Variants in SV2C observed in about 807,000 individuals in gnomAD.
SV2C encodes the protein solute carrier family 22 member B3.
SV2C carries 49 observed loss-of-function variants against 79.7 expected under a neutral mutation model. That is an observed-to-expected ratio of 0.61 (90% CI 0.49 to 0.78). The LOEUF is 0.78. Ranked by LOEUF, SV2C falls within the 30% of genes least tolerant of loss-of-function variation. The pLI is 0.00. For missense variants in SV2C, 833 were observed against 912.9 expected, an observed-to-expected ratio of 0.91 and a Z score of 1.13; for synonymous variants, 334 against 333.2, an observed-to-expected ratio of 1.00 and a Z score of -0.03.
chr5:76,189,482 C>T (rs1353014284), intron 2 of SV2C, among the ~76,000 whole-genome samples: 1 of 152,144 alleles, frequency 6.6e-6, no homozygotes, highest in East Asian at 1.9e-4. Flanking sequence ...ATGGTAGAAA[C>T]CCCCTTACCT....
At chr5:75,952,399 T>C in the SV2C span, among the ~76,000 whole-genome samples, 2 of 151,824 alleles carry the variant, frequency 1.3e-5, no homozygotes, top group Non-Finnish European at 2.9e-5. Flanking sequence ...TCTTCTGCCA[T>C]TCTGAATTGA....
intron 12 of SV2C, among the ~76,000 whole-genome samples, chr5:76,348,180 C>A (rs1466421740): frequency 1.3e-5 from 2 of 152,120 alleles, no homozygotes; most frequent in Non-Finnish European, 2.9e-5. Flanking sequence ...CAGTATGTAG[C>A]CTTTTCAGAT....
chr5:75,855,126 T>C, the SV2C span, among the ~76,000 whole-genome samples: 1 of 152,170 alleles, frequency 6.6e-6, no homozygotes, highest in Non-Finnish European at 1.5e-5. Flanking sequence ...AAAATAATTT[T>C]AGGGCTCACC....
intron 1 of SV2C, among the ~76,000 whole-genome samples, chr5:76,096,942 A>T (rs1434130306): frequency 1.3e-5 from 2 of 152,174 alleles, no homozygotes; most frequent in African/African-American, 4.8e-5. Flanking sequence ...CTTAGCCTCC[A>T]TAATTGCATG....
chr5:76,275,775 G>A (rs906805391), intron 4 of SV2C, among the ~76,000 whole-genome samples: 8 of 152,232 alleles, frequency 5.3e-5, no homozygotes, highest in African/African-American at 1.2e-4. Flanking sequence ...ACACTGATTA[G>A]TGCTGTGCTA....
chr5:76,049,007 GAAAGAAAGAAAGAAAGA>G, the SV2C span, among the ~76,000 whole-genome samples: 10 of 88,892 alleles, frequency 1.1e-4, no homozygotes, highest in East Asian at 1.5e-3. Flanking sequence ...AAGAAAGAAA[GAAAGAAAGAAAGAAAGA>G]AAAAGAAAAG....
chr5:75,883,087 A>G, the SV2C span, among the ~76,000 whole-genome samples: 1 of 145,866 alleles, frequency 6.9e-6, no homozygotes, highest in Non-Finnish European at 1.5e-5. Flanking sequence ...AACACATGAA[A>G]AAATGCTCAC....
chr5:76,347,707 G>A (rs2112589784), intron 12 of SV2C, among the ~76,000 whole-genome samples: 1 of 152,314 alleles, frequency 6.6e-6, no homozygotes, highest in African/African-American at 2.4e-5. Flanking sequence ...CTCCCAAAGT[G>A]CTGGGATTGC....
At chr5:75,929,807 A>G in the SV2C span, among the ~76,000 whole-genome samples, 1 of 152,168 alleles carries the variant, frequency 6.6e-6, no homozygotes, top group African/African-American at 2.4e-5. Flanking sequence ...TTTGCTCATT[A>G]AGCATGGTTA....
At chr5:76,075,504 A>G in the SV2C span, 1 of 164,868 alleles carries the variant, frequency 6.1e-6, no homozygotes, top group Non-Finnish European at 1.4e-5. Context: ...GCTCTGGGCA[A>G]GAATCTCGAG....
chr5:76,002,696 T>C, the SV2C span, among the ~76,000 whole-genome samples: 1 of 152,234 alleles, frequency 6.6e-6, no homozygotes, highest in African/African-American at 2.4e-5. Flanking sequence ...TGGCCAAGCA[T>C]TGATAGTTAC....
At chr5:76,278,232 C>CT (rs1747081783) in intron 4 of SV2C, among the ~76,000 whole-genome samples, 1 of 151,186 alleles carries the variant, frequency 6.6e-6, no homozygotes, top group Admixed American at 6.6e-5. Context: ...CTAGCACTTG[C>CT]TTAGGAGGTC....
rs528595111 is a variant in SV2C, at chr5:76,315,074, A to G, written c.2001-10290A>G. Among the ~76,000 whole-genome samples the G allele has an allele frequency of 2.6e-5, 4 of 152,202 alleles. No individual in the cohort carries two copies. In the South Asian group the frequency reaches 8.3e-4, roughly 32 times the overall value. On this transcript the variant is annotated intron_variant, in intron 12 of 12. Transcript: ENST00000502798. ...ATAAAGGGCTACTTGGGATCCAGGG[A>G]TTCCTGTCAGCTCACAACTTGTAGG...
chr5:76,181,842 G>A (rs974070543), intron 2 of SV2C, among the ~76,000 whole-genome samples: 2 of 152,180 alleles, frequency 1.3e-5, no homozygotes, highest in Non-Finnish European at 2.9e-5. Flanking sequence ...GAACCCATAA[G>A]TGACTCCTCA....
upstream of SV2C, chr5:76,079,005 A>G (rs1459555873): frequency 4.5e-6 from 2 of 441,426 alleles, no homozygotes; most frequent in African/African-American, 4.1e-5. Flanking sequence ...AGCGATTACC[A>G]CCTGTAGTTT....
At chr5:76,035,209 C>T in the SV2C span, among the ~76,000 whole-genome samples, 1 of 150,072 alleles carries the variant, frequency 6.7e-6, no homozygotes, top group Non-Finnish European at 1.5e-5. Context: ...CTCCTGGATT[C>T]GTTAATTTTT....
the SV2C span, among the ~76,000 whole-genome samples, chr5:75,864,909 G>A: frequency 7.0e-6 from 1 of 142,452 alleles, no homozygotes; most frequent in African/African-American, 3.0e-5. Flanking sequence ...AGCAGAAAGG[G>A]CTCTGCAGCA....
chr5:75,920,806 C>G, the SV2C span: 1 of 772,906 alleles, frequency 1.3e-6, no homozygotes, highest in Non-Finnish European at 2.4e-6. Context: ...AGGGACTTGC[C>G]AGGCGAGACG....
chr5:76,219,424 T>G (rs1406847119), intron 4 of SV2C, among the ~76,000 whole-genome samples: 1 of 152,226 alleles, frequency 6.6e-6, no homozygotes, highest in East Asian at 1.9e-4. Flanking sequence ...GATGATATAG[T>G]CTTTAAGGGC....
Sources: gnomAD v4.1 joint callset for allele counts (sites outside exome capture counted in the v4.1 genomes callset) on GRCh38, gnomAD v4.1.1 for gene constraint, MANE v1.5 for transcripts, NCBI Gene and HGNC (gene_info 2026-07-23, HGNC 2026-07-21) for gene names.